Variants in TNIK observed in about 807,000 individuals in gnomAD.
TNIK encodes the protein TRAF2 and NCK interacting kinase, also known as TRAF2 and NCK-interacting protein kinase.
TNIK carries 49 observed loss-of-function variants against 191.3 expected under a neutral mutation model. The ratio of observed to expected loss-of-function variants is 0.26; its 90% CI spans 0.20 to 0.32. The LOEUF (loss-of-function observed/expected upper bound fraction) is 0.32. Ranked by LOEUF, TNIK falls within the 10% of genes least tolerant of loss-of-function variation. The pLI is 1.00. For missense variants in TNIK, 1,155 were observed against 1,702.3 expected (o/e 0.68, Z 5.66); for synonymous variants, 594 against 600.9 (o/e 0.99, Z 0.17).
In TNIK at chr3:171,228,077, A is replaced by G. The variant is rs1232310165; in HGVS notation, c.180+88T>C. ...CATTTTCAACTTAACAATATTTTCT[A>G]CTTATGATGGGCCTATCAGGATGTG... On this transcript the variant is annotated intron_variant, in intron 3 of 32. Coordinates refer to ENST00000436636, the MANE Select transcript of TNIK (RefSeq NM_015028.4). The G allele has an allele frequency of 2.4e-5, 34 of 1,411,756 alleles. No individual in the cohort carries two copies. In the East Asian group the frequency reaches 7.6e-4, roughly 31 times the overall value. The allele number at this position is 1,411,756 out of a possible 1,614,324, so 87.5% of individuals were successfully genotyped here. A position where few individuals can be genotyped will look rare whatever the true frequency, so the allele number is the denominator to read the frequency against.
In TNIK at chr3:171,159,769, AT is replaced by A. The variant is rs1414326723; in HGVS notation, c.1016+1500del. Among the ~76,000 whole-genome samples the A allele has an allele frequency of 6.6e-6, 1 of 152,146 alleles. No homozygotes were observed. The highest frequency in any genetic ancestry group is 1.5e-5 in the Non-Finnish European group (1 of 68,022). ...AATGAGATAACCATTGTCCTTTTCT[AT>A]TTTTCAGGATTTCATGAAGATTAAT... On this transcript the variant is annotated intron_variant, in intron 11 of 32. Transcript: ENST00000436636. The surrounding 1 kb of genome is among the most constrained non-coding windows in gnomAD (Gnocchi z 4.1).
intron 1 of TNIK, among the ~76,000 whole-genome samples, chr3:171,432,029 G>C (rs1171264034): frequency 1.3e-5 from 2 of 152,168 alleles, no homozygotes. Flanking sequence ...AAAAATTTTA[G>C]TATGCATTTT....
intron 4 of TNIK, among the ~76,000 whole-genome samples, chr3:171,203,214 T>C (rs976316224): frequency 6.6e-6 from 1 of 152,212 alleles, no homozygotes; most frequent in Admixed American, 6.5e-5. Context: ...GCCAAGACGC[T>C]ATAACAATGT....
At chr3:171,064,577 A>G (rs1242341331) in intron 32 of TNIK, among the ~76,000 whole-genome samples, 1 of 152,226 alleles carries the variant, frequency 6.6e-6, no homozygotes, top group East Asian at 1.9e-4. Context: ...ATGGTGGCAT[A>G]TCCCAGGGCA....
chr3:171,437,249 G>A (rs1726142030), intron 1 of TNIK, among the ~76,000 whole-genome samples: 1 of 152,212 alleles, frequency 6.6e-6, no homozygotes, highest in Non-Finnish European at 1.5e-5. Context: ...GAGGTACACA[G>A]TAGAGAACGT....
intron 2 of TNIK, among the ~76,000 whole-genome samples, chr3:171,319,021 T>TA (rs887876059): frequency 1.3e-5 from 2 of 151,424 alleles, no homozygotes; most frequent in African/African-American, 4.9e-5. Context: ...AATACATAAA[T>TA]AAAAAAAATG....
chr3:171,074,168 TG>T (rs1161510197), intron 28 of TNIK, among the ~76,000 whole-genome samples: 1 of 151,972 alleles, frequency 6.6e-6, no homozygotes, highest in Non-Finnish European at 1.5e-5. Context: ...ATATACAGCA[TG>T]GAATACTATG....
chr3:171,082,230 C>CTCA, intron 27 of TNIK, 21 bp downstream of exon 27: 1 of 1,608,704 alleles, frequency 6.2e-7, no homozygotes, highest in Non-Finnish European at 8.5e-7. Flanking sequence ...ACCTGGGGGA[C>CTCA]TCATCATCTT....
At chr3:171,342,839 C>T (rs1711515709) in intron 2 of TNIK, among the ~76,000 whole-genome samples, 1 of 152,118 alleles carries the variant, frequency 6.6e-6, no homozygotes, top group African/African-American at 2.4e-5. Flanking sequence ...CATGGGGGAC[C>T]CAGTGGGAGG....
chr3:171,120,250 A>T (rs766316442), intron 18 of TNIK, among the ~76,000 whole-genome samples: 1 of 152,042 alleles, frequency 6.6e-6, no homozygotes, highest in Middle Eastern at 3.4e-3. Flanking sequence ...GTTCATTACT[A>T]CTAAGTGCAG....
intron 1 of TNIK, among the ~76,000 whole-genome samples, chr3:171,456,835 T>G (rs1013703250): frequency 6.6e-6 from 1 of 152,282 alleles, no homozygotes; most frequent in Non-Finnish European, 1.5e-5. Flanking sequence ...TATTGATTTC[T>G]GATTCCACCA....
At chr3:171,279,281 T>C (rs998383169) in intron 2 of TNIK, among the ~76,000 whole-genome samples, 13 of 152,158 alleles carry the variant, frequency 8.5e-5, no homozygotes, top group Non-Finnish European at 1.5e-4. Flanking sequence ...GTGTTTATAG[T>C]TTGCTTTTTT....
intron 2 of TNIK, among the ~76,000 whole-genome samples, chr3:171,270,240 T>A (rs1748914330): frequency 6.6e-6 from 1 of 152,132 alleles, no homozygotes; most frequent in Non-Finnish European, 1.5e-5. Context: ...GGCAACTGGG[T>A]CATGAGAATA....
intron 1 of TNIK, among the ~76,000 whole-genome samples, chr3:171,445,197 A>C (rs990285208): frequency 3.3e-5 from 5 of 152,056 alleles, no homozygotes; most frequent in Admixed American, 3.3e-4. Flanking sequence ...TGAGAGGCTG[A>C]GGCAGGCAGA....
At chr3:171,355,177 T>C (rs1365888557) in intron 2 of TNIK, among the ~76,000 whole-genome samples, 7 of 152,106 alleles carry the variant, frequency 4.6e-5, no homozygotes, top group African/African-American at 1.7e-4. Context: ...CATCTGCTCA[T>C]CCCATTTCCC....
At chr3:171,118,594 T>C (rs1727135234) in intron 18 of TNIK, among the ~76,000 whole-genome samples, 3 of 152,216 alleles carry the variant, frequency 2.0e-5, no homozygotes, top group Admixed American at 6.5e-5. Flanking sequence ...AACAGAGATA[T>C]AGACCAATGG....
intron 20 of TNIK, 30 bp downstream of exon 20, chr3:171,108,035 T>A: frequency 6.5e-7 from 1 of 1,550,182 alleles, no homozygotes; most frequent in South Asian, 1.2e-5. Flanking sequence ...AAATTAAGAG[T>A]TCAAAACTCT....
chr3:171,115,835 G>A (rs571211056), intron 18 of TNIK, among the ~76,000 whole-genome samples: 2 of 152,340 alleles, frequency 1.3e-5, no homozygotes, highest in Admixed American at 1.3e-4. Context: ...CAAGTCAGAT[G>A]ATGAGGCCTG....
rs765102249 is a variant in TNIK, at chr3:171,093,909, C to G, written c.2651G>C (p.Gly884Ala). The change falls in exon 23 of 33, where the codon GGG (glycine) becomes GCG (alanine). Residue 884 changes from glycine (G) to alanine (A), a missense_variant. Transcript: ENST00000436636. ...ACTGTCCGCATGAGAGGTCTCCAGC[C>G]CATGCGTCCCCACCATTCCCACATT... is the stretch of plus-strand genomic sequence containing the variant. ...QYNVGMVGTH[G>A]LETSHADSFS... The G allele has an allele frequency of 6.2e-7, 1 of 1,613,916 alleles. No homozygotes were observed. Among genetic ancestry groups the G allele is most frequent in the Non-Finnish European group, 8.5e-7 (1 of 1,179,856 alleles).
Sources: gnomAD v4.1 joint callset for allele counts (sites outside exome capture counted in the v4.1 genomes callset) on GRCh38, gnomAD v4.1.1 for gene constraint, Gnocchi (gnomAD v3.1) non-coding constraint, MANE v1.5 for transcripts, NCBI Gene and HGNC (gene_info 2026-07-23, HGNC 2026-07-21) for gene names.